Variants in CNTN4 observed in about 807,000 individuals in gnomAD.
The protein encoded by CNTN4 is contactin-4.
In CNTN4, 77 loss-of-function variants were observed where a neutral mutation model predicts 122.5. The observed-to-expected ratio is 0.63, with a 90% CI of 0.52 to 0.76. CNTN4 has a LOEUF of 0.76. Ranked by LOEUF, CNTN4 falls within the 30% of genes least tolerant of loss-of-function variation. CNTN4 has a pLI of 0.00. For missense variants in CNTN4, 1,256 were observed against 1,259.1 expected (o/e 1.00, Z 0.04); for synonymous variants, 512 against 447.0 (o/e 1.15, Z -1.83).
chr3:2,856,086 C>G (rs1577066974), intron 7 of CNTN4, among the ~76,000 whole-genome samples: 2 of 152,170 alleles, frequency 1.3e-5, no homozygotes, highest in Admixed American at 6.5e-5. Flanking sequence ...AATACTGTTG[C>G]TCCAGGAAAC....
chr3:2,105,411 A>G (rs2032356281), intron 2 of CNTN4, among the ~76,000 whole-genome samples: 1 of 152,210 alleles, frequency 6.6e-6, no homozygotes, highest in Admixed American at 6.5e-5. Flanking sequence ...AGACTGGGTA[A>G]TTTGTAAAGG....
intron 2 of CNTN4, among the ~76,000 whole-genome samples, chr3:2,107,243 T>G (rs1403392001): frequency 6.6e-6 from 1 of 152,200 alleles, no homozygotes; most frequent in Non-Finnish European, 1.5e-5. Flanking sequence ...CCCCACTCTC[T>G]GCAGTACCAA....
intron 2 of CNTN4, among the ~76,000 whole-genome samples, chr3:2,204,750 C>G (rs79956312): frequency 0.021 from 3,238 of 152,094 alleles, 41 homozygotes; most frequent in Middle Eastern, 0.051. Flanking sequence ...GCAAGGCCCC[C>G]CCATGGGATA....
At chr3:2,228,130 A>C (rs995761378) in intron 2 of CNTN4, among the ~76,000 whole-genome samples, 1 of 152,094 alleles carries the variant, frequency 6.6e-6, no homozygotes, top group East Asian at 1.9e-4. Context: ...TTTTTCAAAA[A>C]TAAATTGGCC....
At chr3:2,568,285 G>A (rs1429960367) in intron 3 of CNTN4, among the ~76,000 whole-genome samples, 1 of 129,080 alleles carries the variant, frequency 7.7e-6, no homozygotes, top group African/African-American at 2.8e-5. Flanking sequence ...TGTTTGAAGG[G>A]TTGAGGGAAG....
At chr3:2,415,454 C>G (rs1476987478) in intron 3 of CNTN4, among the ~76,000 whole-genome samples, 1 of 152,112 alleles carries the variant, frequency 6.6e-6, no homozygotes, top group Non-Finnish European at 1.5e-5. Flanking sequence ...TTGGCTTAAC[C>G]AGGTGTGGGC....
chr3:2,792,423 G>A (rs573474147), intron 6 of CNTN4, among the ~76,000 whole-genome samples: 3 of 152,300 alleles, frequency 2.0e-5, no homozygotes, highest in Admixed American at 6.5e-5. Context: ...TAATTTGCTT[G>A]AATATTAATG....
intron 4 of CNTN4, among the ~76,000 whole-genome samples, chr3:2,573,607 C>T (rs1185951587): frequency 6.6e-6 from 1 of 152,068 alleles, no homozygotes; most frequent in Non-Finnish European, 1.5e-5. Flanking sequence ...AAGTAAATAT[C>T]AAGATATGAA....
At chr3:2,761,998 C>G (rs1210013953) in intron 6 of CNTN4, among the ~76,000 whole-genome samples, 1 of 152,100 alleles carries the variant, frequency 6.6e-6, no homozygotes, top group South Asian at 2.1e-4. Flanking sequence ...TGAATACCAA[C>G]TGGATAGCAA....
intron 4 of CNTN4, among the ~76,000 whole-genome samples, chr3:2,731,011 G>A (rs947733453): frequency 6.6e-6 from 1 of 151,656 alleles, no homozygotes; most frequent in Admixed American, 6.6e-5. Context: ...CTTTTTCTTA[G>A]AGGGTTTTTT....
chr3:2,803,894 A>G (rs1164046322), intron 6 of CNTN4, among the ~76,000 whole-genome samples: 1 of 152,100 alleles, frequency 6.6e-6, no homozygotes, highest in African/African-American at 2.4e-5. Context: ...CCACACAATT[A>G]AAATGAATGA....
At chr3:2,112,271 A>T (rs941944414) in intron 2 of CNTN4, among the ~76,000 whole-genome samples, 4 of 152,170 alleles carry the variant, frequency 2.6e-5, no homozygotes, top group African/African-American at 9.6e-5. Context: ...GAAATATAAA[A>T]ATGTTTCCAG....
intron 4 of CNTN4, among the ~76,000 whole-genome samples, chr3:2,705,164 C>T (rs1019249239): frequency 2.7e-5 from 4 of 150,892 alleles, no homozygotes; most frequent in African/African-American, 7.3e-5. Context: ...GTCAGGAGAT[C>T]GAGACCATCC....
chr3:2,735,482 T>G (rs2089015999), intron 4 of CNTN4, among the ~76,000 whole-genome samples: 1 of 152,214 alleles, frequency 6.6e-6, no homozygotes, highest in South Asian at 2.1e-4. Flanking sequence ...CATGGCTGTT[T>G]AACATGGCTT....
At chr3:2,939,868 A>G (rs2094597889) in intron 13 of CNTN4, among the ~76,000 whole-genome samples, 1 of 152,218 alleles carries the variant, frequency 6.6e-6, no homozygotes, top group Non-Finnish European at 1.5e-5. Flanking sequence ...CTGCACATCC[A>G]TTCCCAGCTC....
intron 14 of CNTN4, among the ~76,000 whole-genome samples, chr3:3,010,689 C>T (rs923141002): frequency 4.6e-5 from 7 of 152,066 alleles, no homozygotes; most frequent in African/African-American, 1.2e-4. Flanking sequence ...ACAGCATGGA[C>T]GAGGAGGGCG....
At chr3:2,692,962 A>C (rs2085823719) in intron 4 of CNTN4, among the ~76,000 whole-genome samples, 1 of 152,150 alleles carries the variant, frequency 6.6e-6, no homozygotes, top group Non-Finnish European at 1.5e-5. Context: ...GAAAATTCTC[A>C]AACCTATTAA....
chr3:3,025,378 C>T (rs1414502583), intron 14 of CNTN4, among the ~76,000 whole-genome samples: 1 of 151,930 alleles, frequency 6.6e-6, no homozygotes, highest in African/African-American at 2.4e-5. Context: ...TGCTAAAATG[C>T]CAACTAGTTT....
chr3:2,436,411 T>A (rs2048259809), intron 3 of CNTN4, among the ~76,000 whole-genome samples: 1 of 152,120 alleles, frequency 6.6e-6, no homozygotes, highest in Admixed American at 6.6e-5. Flanking sequence ...AGCAACTGAT[T>A]AGAGTCTCAA....
Sources: allele counts gnomAD v4.1 joint callset (sites outside exome capture counted in the v4.1 genomes callset), GRCh38; gene constraint gnomAD v4.1.1; transcripts MANE v1.5; gene names NCBI Gene and HGNC (gene_info 2026-07-23, HGNC 2026-07-21).